The following STAT6 variants were observed in gnomAD, a reference collection of about 807,000 sequenced individuals.
STAT6 encodes the protein STAT, interleukin4-induced.
A neutral mutation model predicts 106.3 loss-of-function variants in STAT6; 45 were observed. That is an observed-to-expected ratio of 0.42 (90% CI 0.33 to 0.54). The LOEUF (loss-of-function observed/expected upper bound fraction) is 0.54. Ranked by LOEUF, STAT6 falls within the 20% of genes least tolerant of loss-of-function variation. The pLI is 0.06. For synonymous variants in STAT6, 413 were observed against 413.6 expected (o/e 1.00, Z 0.02); for missense variants, 797 against 1,062.2 (o/e 0.75, Z 3.47).
intron 18 of STAT6, 64 bp from the exon 19 acceptor site, chr12:57,098,661 T>C: frequency 6.4e-7 from 1 of 1,574,726 alleles, no homozygotes; most frequent in South Asian, 1.1e-5. Flanking sequence ...CACCCTGCTT[T>C]TGAACAGGTG....
chr12:57,100,100 G>A lies in STAT6; in HGVS notation c.1513-10C>T, dbSNP rs1214774583. The A allele has an allele frequency of 6.3e-7, 1 of 1,584,912 alleles. No homozygotes were observed. The highest frequency in any genetic ancestry group is 1.8e-5 in the Admixed American group (1 of 55,086). The stretch of plus-strand genomic sequence containing the variant: ...GGCCCAGCAGGATCTCCTAGGGGGA[G>A]AGGGGGAAAGGTGTGAGCCGAGGGA... On this transcript the variant is annotated splice_polypyrimidine_tract_variant and intron_variant, in intron 13 of 21. Coordinates refer to ENST00000300134, the MANE Select transcript of STAT6 (RefSeq NM_003153.5).
chr12:57,102,745 A>G (rs998453834), intron 12 of STAT6, 84 bp downstream of exon 12: 4 of 1,197,348 alleles, frequency 3.3e-6, no homozygotes, highest in Non-Finnish European at 4.9e-6. Context: ...AAACATGCCC[A>G]CCACCCCATC....
In STAT6 at chr12:57,096,438, C is replaced by T. The variant is rs1326974821; in HGVS notation, c.*134G>A. ...TGCATTCTCCTGTTAGTCTTTTCCTCCTGACCCAGGAGTAGGTGGGGATAG... is the reference window on the plus strand; with the variant it reads ...TGCATTCTCCTGTTAGTCTTTTCCTTCTGACCCAGGAGTAGGTGGGGATAG... On this transcript the variant is annotated 3_prime_UTR_variant, in exon 22 of 22. Transcript: ENST00000300134. 1.2e-6 allele frequency: 1 copy of T among 815,144 alleles called. No individual in the cohort carries two copies. Among genetic ancestry groups the T allele is most frequent in the Admixed American group, 2.6e-5 (1 of 38,008 alleles). The allele number at this position is 815,144 out of a possible 1,614,324, so 50.5% of individuals were successfully genotyped here.
chr12:57,106,935 C>G, intron 4 of STAT6, 104 bp from the exon 5 acceptor site: 1 of 1,531,808 alleles, frequency 6.5e-7, no homozygotes, highest in East Asian at 2.3e-5. Context: ...GTTCCCCTCT[C>G]CCCTTTGGCA....
chr12:57,105,959 G>T, intron 7 of STAT6: 1 of 697,320 alleles, frequency 1.4e-6, no homozygotes, highest in Non-Finnish European at 2.3e-6. Flanking sequence ...TGGGGCTTGA[G>T]GAGAGAAGCC....
intron 18 of STAT6, 46 bp from the exon 19 acceptor site, chr12:57,098,643 C>T (rs547163909): frequency 1.3e-6 from 2 of 1,591,222 alleles, no homozygotes; most frequent in Admixed American, 3.5e-5. Flanking sequence ...TTCTCCTGGA[C>T]ACCACCACAC....
intron 7 of STAT6, 104 bp downstream of exon 7, chr12:57,106,087 C>G: frequency 6.4e-7 from 1 of 1,558,878 alleles, no homozygotes; most frequent in Non-Finnish European, 8.7e-7. Context: ...TGGTCCACTC[C>G]AAGGCCCTCC....
At chr12:57,106,883 A>C in intron 4 of STAT6, 52 bp from the exon 5 acceptor site, 1 of 1,605,826 alleles carries the variant, frequency 6.2e-7, no homozygotes, top group East Asian at 2.2e-5. Context: ...TCATCCCTCT[A>C]TACCTGGCCT....
rs761099650 is a variant in STAT6, at chr12:57,107,619, T to C, written c.241A>G (p.Ile81Val). 35 of 1,613,438 alleles carry C rather than the reference T, an allele frequency of 2.2e-5. No individual in the cohort carries two copies. In the Admixed American group the frequency reaches 5.7e-4, roughly 26 times the overall value. ...TCCTGCCCCACCTCAAGGGTGCTGA[T>C]GTGTTGCAAGATGGTGCTCCCCTCC... is the stretch of plus-strand genomic sequence containing the variant. The part of the protein sequence containing the change: ...QGEGSTILQH[I>V]STLESIYQRD... The change falls in exon 3 of 22, where the codon ATC (isoleucine) becomes GTC (valine). Residue 81 changes from isoleucine to valine, a missense_variant. By Grantham distance (29) the Ile-to-Val change is conservative. This residue lies in a region of STAT6 where 336 missense variants were observed against 429.8 expected (regional missense o/e 0.78). Coordinates refer to ENST00000300134, the MANE Select transcript of STAT6 (RefSeq NM_003153.5).
At chr12:57,098,050 C>A (rs1332673810) in intron 19 of STAT6, among the ~76,000 whole-genome samples, 1 of 152,112 alleles carries the variant, frequency 6.6e-6, no homozygotes, top group Non-Finnish European at 1.5e-5. Flanking sequence ...GTAGTCTATA[C>A]CATCTAGGTT....
intron 1 of STAT6, among the ~76,000 whole-genome samples, 163 bp from the exon 2 acceptor site, chr12:57,108,462 G>A (rs1734186567): frequency 6.6e-6 from 1 of 152,258 alleles, no homozygotes; most frequent in African/African-American, 2.4e-5. Context: ...CAATGCCTGA[G>A]ATGGGGGTAA....
rs754986976 is a variant in STAT6, at chr12:57,099,121, TAGGG to T, written c.1892-47_1892-44del. 1.2e-6 allele frequency: 2 copies of T among 1,612,384 alleles called. No homozygotes were observed. Among genetic ancestry groups the T allele is most frequent in the South Asian group, 1.1e-5 (1 of 91,028 alleles). On this transcript the variant is annotated intron_variant, in intron 16 of 21. Coordinates refer to ENST00000300134, the MANE Select transcript of STAT6 (RefSeq NM_003153.5). This position sits in a 1 kb window ranked among gnomAD's most constrained non-coding sequence, Gnocchi z 4.7. ...AGACAGCCATGGAGTGCTCTGGGGTTAGGGAGGAAGGGAGGTGGAAAAGGTGGGC... is the reference window on the plus strand; with the variant it reads ...AGACAGCCATGGAGTGCTCTGGGGTTAGGAAGGGAGGTGGAAAAGGTGGGC...
Position 57,106,105 on chromosome 12 carries a change from C to T in STAT6, c.680+86G>A, listed in dbSNP as rs1027731425. 7 of 1,580,272 alleles carry T rather than the reference C, an allele frequency of 4.4e-6. No individual in the cohort carries two copies. In the African/African-American group the frequency reaches 6.8e-5, roughly 15 times the overall value. ...TCCACTCCAAGGCCCTCCCGCCTGG[C>T]TTCTTTCTCTCACCTGTAGGGCCTT... On this transcript the variant is annotated intron_variant, in intron 7 of 21. Coordinates refer to ENST00000300134, the MANE Select transcript of STAT6 (RefSeq NM_003153.5).
intron 19 of STAT6, among the ~76,000 whole-genome samples, chr12:57,097,818 C>T (rs1198713787): frequency 2.0e-5 from 3 of 151,888 alleles, no homozygotes; most frequent in African/African-American, 7.3e-5. Context: ...GAGGATTGCT[C>T]GAGCCCAAGA....
Position 57,098,588 on chromosome 12 carries a change from C to A in STAT6, c.2076G>T (p.Val692=). 6.2e-7 allele frequency: 1 copy of A among 1,613,464 alleles called. No individual in the cohort carries two copies. The highest frequency in any genetic ancestry group is 8.5e-7 in the Non-Finnish European group (1 of 1,179,768). Residue 692 remains valine (V), a synonymous_variant, in exon 19 of 22, where the codon GTG becomes GTT. Transcript: ENST00000300134. ...MQLGPDMVPQ[V]YPPHSHSIPP... is the part of the protein sequence containing the mutation. Reference sequence around the variant, plus strand: ...GGATGGAGTGAGAGTGTGGTGGGTACACCTGGGGCCTGGGGAAAGAAAACA... The same window carrying A: ...GGATGGAGTGAGAGTGTGGTGGGTAAACCTGGGGCCTGGGGAAAGAAAACA...
At chr12:57,105,426 C>T (rs368772883) in intron 8 of STAT6, 42 bp downstream of exon 8, 37 of 1,610,082 alleles carry the variant, frequency 2.3e-5, no homozygotes, top group Admixed American at 1.7e-4. Flanking sequence ...CTTTTCTTCC[C>T]GAGGTCTGTT....
rs1302804745 is a variant in STAT6 at position 57,096,544 on chromosome 12, T to C, written c.*28A>G. On this transcript the variant is annotated 3_prime_UTR_variant, in exon 22 of 22. Coordinates refer to ENST00000300134, the MANE Select transcript of STAT6 (RefSeq NM_003153.5). ...GTCTGTGGGGGTAGTAGAAGAGCTG[T>C]CTCTTTGGGTTCTCCCTCCAGCTGG... 1 of 1,547,302 alleles carries C rather than the reference T, an allele frequency of 6.5e-7. No individual in the cohort carries two copies. Among genetic ancestry groups the C allele is most frequent in the Admixed American group, 2.1e-5 (1 of 47,892 alleles).
intron 13 of STAT6, among the ~76,000 whole-genome samples, chr12:57,101,193 A>T (rs2033906689): frequency 6.6e-6 from 1 of 150,976 alleles, no homozygotes; most frequent in South Asian, 2.1e-4. Context: ...GGTTCAAGTG[A>T]TTCTCCTGCC....
rs761463709 is a variant in STAT6, at chr12:57,097,073, G to C, written c.2220C>G (p.His740Gln). The C allele has an allele frequency of 1.9e-5, 30 of 1,547,536 alleles. No individual in the cohort carries two copies. Among genetic ancestry groups the C allele is most frequent in the Non-Finnish European group, 2.4e-5 (28 of 1,146,296 alleles). The change falls in exon 20 of 22, where the codon CAC becomes CAG. Residue 740 changes from histidine to glutamine, a missense_variant. This residue lies in a region of STAT6 where 226 missense variants were observed against 236.7 expected (regional missense o/e 0.95). Transcript: ENST00000300134. ...GGAGGGGCTTTGTCACTCACTGGGG[G>C]TGAGGCTGGTCAAAGGGCAGGCTCA... ...GQMSLPFDQP[H>Q]PQGLLPCQPQ...
Sources: allele counts gnomAD v4.1 joint callset (sites outside exome capture counted in the v4.1 genomes callset), GRCh38; gene constraint gnomAD v4.1.1; regional missense constraint gnomAD v4.1.1; non-coding constraint Gnocchi (gnomAD v3.1); transcripts MANE v1.5; gene names NCBI Gene and HGNC (gene_info 2026-07-23, HGNC 2026-07-21).